Variants in PLA2G4C observed in about 807,000 individuals in gnomAD.
The protein encoded by PLA2G4C is phospholipase A2 group IVC, also known as cytosolic phospholipase A2 gamma.
PLA2G4C carries 64 observed loss-of-function variants against 73.8 expected under a neutral mutation model. That is an observed-to-expected ratio of 0.87 (90% confidence interval 0.71 to 1.07). The LOEUF (loss-of-function observed/expected upper bound fraction) is 1.07. PLA2G4C is among the 50% of genes least tolerant of loss of function. The pLI is 0.00. For missense variants in PLA2G4C, 622 were observed against 665.4 expected, an observed-to-expected ratio of 0.93 and a Z score of 0.72; for synonymous variants, 254 against 252.1, an observed-to-expected ratio of 1.01 and a Z score of -0.07.
chr19:48,091,008 A>C (rs555530952), intron 7 of PLA2G4C, among the ~76,000 whole-genome samples: 35,218 of 143,988 alleles, frequency 0.24, 4,321 homozygotes, highest in East Asian at 0.53. Flanking sequence ...CCTGACTTCA[A>C]AAAAAAAAAA....
chr19:48,089,492 T>C (rs951924114), intron 8 of PLA2G4C, among the ~76,000 whole-genome samples: 9 of 152,098 alleles, frequency 5.9e-5, no homozygotes, highest in African/African-American at 1.4e-4. Context: ...CCCATGAATA[T>C]ACATTAAATG....
At chr19:48,076,533 A>T (rs564101600) in intron 11 of PLA2G4C, among the ~76,000 whole-genome samples, 6 of 152,168 alleles carry the variant, frequency 3.9e-5, no homozygotes, top group Non-Finnish European at 8.8e-5. Flanking sequence ...ACTTGAGGTC[A>T]GGAGTTCGAG....
intron 16 of PLA2G4C, among the ~76,000 whole-genome samples, chr19:48,050,754 A>AACCTCT (rs1358517438): frequency 7.2e-6 from 1 of 138,086 alleles, no homozygotes; most frequent in Non-Finnish European, 1.5e-5. Context: ...GGCTCACTGC[A>AACCTCT]ACCTCTGCTC....
chr19:48,053,374 T>C (rs1402308627), intron 15 of PLA2G4C, among the ~76,000 whole-genome samples: 1 of 145,788 alleles, frequency 6.9e-6, no homozygotes, highest in Admixed American at 6.8e-5. Context: ...CTTTTTTTTT[T>C]TTTTTTTTTT....
intron 14 of PLA2G4C, chr19:48,061,670 C>T (rs10469295): frequency 0.83 from 238,483 of 286,244 alleles, 99,854 homozygotes; most frequent in African/African-American, 0.9. Flanking sequence ...CGTGCACACC[C>T]GGGGAAGGAG....
chr19:48,105,978 C>CTTTCTTTCTTTCTTTCTTTCTTTCT (rs1555756158), intron 2 of PLA2G4C, among the ~76,000 whole-genome samples: 1 of 78,162 alleles, frequency 1.3e-5, no homozygotes, highest in African/African-American at 1.1e-4. Context: ...TTCTTTCTTT[C>CTTTCTTTCTTTCTTTCTTTCTTTCT]TTTCTTTCTT....
Position 48,048,375 on chromosome 19 carries a change from T to C in PLA2G4C, c.1594A>G (p.Lys532Glu), listed in dbSNP as rs1275547749. The C allele has an allele frequency of 2.5e-6, 4 of 1,595,856 alleles. No homozygotes were observed. The highest frequency in any genetic ancestry group is 3.4e-6 in the Non-Finnish European group (4 of 1,173,720). The change falls in exon 17 of 17, where the codon AAG becomes GAG. Residue 532 changes from lysine to glutamate, a missense_variant. By Grantham distance (56) the Lys-to-Glu change is moderately conservative (BLOSUM62 1). Transcript: ENST00000599921. ...AAGCAGCAACTTCGGGCACTATCCT[T>C]CGGGTAGTAGAGCCTGGGGAGAAAG... is the stretch of plus-strand genomic sequence containing the variant. ...LMNVAGLYYP[K>E]DSARSCCLA
At chr19:48,108,972 A>G (rs1307299530) in intron 1 of PLA2G4C, 2 of 152,290 alleles carry the variant, frequency 1.3e-5, no homozygotes, top group East Asian at 1.9e-4. Flanking sequence ...TGTGGCTTCA[A>G]TCTCTCAACA....
intron 7 of PLA2G4C, among the ~76,000 whole-genome samples, chr19:48,091,197 T>G (rs1055653489): frequency 6.6e-6 from 1 of 152,012 alleles, no homozygotes; most frequent in African/African-American, 2.4e-5. Flanking sequence ...TATTATTTAT[T>G]TATTTTGAGA....
At chr19:48,097,903 G>A in intron 6 of PLA2G4C, 2 of 404,094 alleles carry the variant, frequency 4.9e-6, no homozygotes, top group East Asian at 7.8e-5. Flanking sequence ...ACAAGCGTGA[G>A]CCACCATGTT....
At position 48,072,713 on chromosome 19, in the gene PLA2G4C, A is replaced by G. The variant is rs2029886936; in HGVS notation, c.1006+2054T>C. 6.6e-6 allele frequency: 1 copy of G among 152,240 alleles called. No individual in the cohort carries two copies. Among genetic ancestry groups the G allele is most frequent in the Non-Finnish European group, 1.5e-5 (1 of 68,044 alleles). The allele number at this position is 152,240 out of a possible 1,614,324, so 9.4% of individuals were successfully genotyped here. A position where few individuals can be genotyped will look rare whatever the true frequency, so the allele number is the denominator to read the frequency against. On this transcript the variant is annotated intron_variant, in intron 12 of 16. Coordinates refer to ENST00000599921, the MANE Select transcript of PLA2G4C (RefSeq NM_003706.3). This position sits in a 1 kb window ranked among gnomAD's most constrained non-coding sequence, Gnocchi z 4.4. ...AGAGAATAGACTGATTTCATCCAAC[A>G]GAGATAAAAACAGGAATTTATGTAA...
intron 10 of PLA2G4C, among the ~76,000 whole-genome samples, chr19:48,083,078 G>T (rs1035999985): frequency 6.6e-6 from 1 of 152,160 alleles, no homozygotes; most frequent in Non-Finnish European, 1.5e-5. Context: ...CCCCCACAAA[G>T]TGCTGGGATT....
intron 16 of PLA2G4C, among the ~76,000 whole-genome samples, chr19:48,050,484 G>A (rs1967682498): frequency 6.6e-6 from 1 of 151,958 alleles, no homozygotes. Flanking sequence ...GTGGGCCTTT[G>A]AAAAGGTGAC....
In PLA2G4C at chr19:48,048,486, C is replaced by T. The variant is rs1025623306; in HGVS notation, c.1581-98G>A. 3.8e-5 allele frequency: 27 copies of T among 715,622 alleles called. No individual in the cohort carries two copies. In the African/African-American group the frequency reaches 3.9e-4, roughly 10 times the overall value. The allele number at this position is 715,622 out of a possible 1,614,324, so 44.3% of individuals were successfully genotyped here. A position where few individuals can be genotyped will look rare whatever the true frequency, so the allele number is the denominator to read the frequency against. ...GACCTGGAAGCCTCTACAGGTCATACATGACTTAGGAGAAAGACATTCATC... is the reference window on the plus strand; with the variant it reads ...GACCTGGAAGCCTCTACAGGTCATATATGACTTAGGAGAAAGACATTCATC... On this transcript the variant is annotated intron_variant, in intron 16 of 16. Transcript: ENST00000599921.
intron 14 of PLA2G4C, among the ~76,000 whole-genome samples, chr19:48,059,563 C>T (rs1350173520): frequency 1.3e-5 from 2 of 152,102 alleles, no homozygotes; most frequent in Admixed American, 6.5e-5. Flanking sequence ...GTGACTAGAA[C>T]AAAGCAGACA....
chr19:48,064,290 G>A (rs376530484), intron 13 of PLA2G4C, among the ~76,000 whole-genome samples: 49 of 152,070 alleles, frequency 3.2e-4, no homozygotes, highest in African/African-American at 1.1e-3. Context: ...TTAGCCAGGC[G>A]TGGTGGCACC....
At chr19:48,073,372 T>C (rs2029922339) in intron 12 of PLA2G4C, among the ~76,000 whole-genome samples, 1 of 152,034 alleles carries the variant, frequency 6.6e-6, no homozygotes, top group Admixed American at 6.6e-5. Flanking sequence ...ATTAGCCCAG[T>C]CGGGGATGGA....
chr19:48,099,219 T>C (rs1272643764), intron 5 of PLA2G4C, among the ~76,000 whole-genome samples: 1 of 152,018 alleles, frequency 6.6e-6, no homozygotes, highest in African/African-American at 2.4e-5. Context: ...CAGTGAGCCA[T>C]GATCTCGCCA....
At chr19:48,049,700 G>A (rs1214620609) in intron 16 of PLA2G4C, among the ~76,000 whole-genome samples, 1 of 152,178 alleles carries the variant, frequency 6.6e-6, no homozygotes, top group African/African-American at 2.4e-5. Flanking sequence ...ATTATGAGGA[G>A]AGAGAGTCAA....
Sources: allele counts gnomAD v4.1 joint callset (sites outside exome capture counted in the v4.1 genomes callset), GRCh38; gene constraint gnomAD v4.1.1; non-coding constraint Gnocchi (gnomAD v3.1); transcripts MANE v1.5; gene names NCBI Gene and HGNC (gene_info 2026-07-23, HGNC 2026-07-21).